ADGRB1: variants seen among roughly 807,000 people sequenced by gnomAD.
ADGRB1 encodes adhesion G protein-coupled receptor B1, also known as brain-specific angiogenesis inhibitor 1.
ADGRB1 carries 36 observed loss-of-function variants against 175.7 expected under a neutral mutation model. That is an observed-to-expected ratio of 0.20 (90% CI 0.16 to 0.27). ADGRB1 has a LOEUF of 0.27. Ranked by LOEUF, ADGRB1 falls within the 10% of genes least tolerant of loss-of-function variation. The pLI is 1.00. For missense variants in ADGRB1, 1,731 were observed against 2,255.3 expected (o/e 0.77, Z 4.71); for synonymous variants, 1,054 against 979.4 (o/e 1.08, Z -1.42).
chr8:142,469,572 CAT>C (rs987625390), intron 2 of ADGRB1, among the ~76,000 whole-genome samples: 40 of 128,430 alleles, frequency 3.1e-4, no homozygotes, highest in Non-Finnish European at 5.9e-4. Flanking sequence ...AATGTGTGTG[CAT>C]GTGTGCATGT....
intron 27 of ADGRB1, 144 bp downstream of exon 27, chr8:142,539,557 C>T: frequency 9.6e-7 from 1 of 1,036,292 alleles, no homozygotes; most frequent in Non-Finnish European, 1.4e-6. Flanking sequence ...CCGTCAGGCC[C>T]ACCTGGACCC....
rs540229961 is a variant in ADGRB1, at chr8:142,455,525, G to A, written c.-220+5421G>A. Among the ~76,000 whole-genome samples the A allele has an allele frequency of 6.6e-6, 1 of 152,164 alleles. No homozygotes were observed. Among genetic ancestry groups the A allele is most frequent in the Non-Finnish European group, 1.5e-5 (1 of 68,040 alleles). On this transcript the variant is annotated intron_variant, in intron 1 of 30. Coordinates refer to ENST00000517894, the MANE Select transcript of ADGRB1 (RefSeq NM_001702.3). The surrounding 1 kb of genome is among the most constrained non-coding windows in gnomAD (Gnocchi z 4.9). ...AGGCTGGTCCCCTGCAGCCCACCAG[G>A]CAACTGGGCTGTCCCGGCCCAGCAC... is the stretch of plus-strand genomic sequence containing the variant.
In ADGRB1 at chr8:142,459,881, G is replaced by A. The variant is rs183641983; in HGVS notation, c.-219-4099G>A. Among the ~76,000 whole-genome samples the A allele has an allele frequency of 4.6e-3, 697 of 152,230 alleles. 5 individuals are homozygous for A. Among genetic ancestry groups the A allele is most frequent in the African/African-American group, 0.016 (659 of 41,542 alleles). On this transcript the variant is annotated intron_variant, in intron 1 of 30. Transcript: ENST00000517894. ...CCTGGCCCAGACACTACACAGGCCC[G>A]CCCCTGCCCCCAGCAGGCAGAGGGA... is the stretch of plus-strand genomic sequence containing the variant.
chr8:142,469,389 G>C (rs906660472), intron 2 of ADGRB1, among the ~76,000 whole-genome samples: 6 of 150,828 alleles, frequency 4.0e-5, no homozygotes, highest in African/African-American at 9.8e-5. Flanking sequence ...GTGGGAGTGT[G>C]TATGTGCACA....
Position 142,539,379 on chromosome 8 carries a change from C to A in ADGRB1, c.3672C>A (p.Asp1224Glu), listed in dbSNP as rs751507174. The A allele has an allele frequency of 6.3e-7, 1 of 1,593,186 alleles. No individual in the cohort carries two copies. Among genetic ancestry groups the A allele is most frequent in the Admixed American group, 1.8e-5 (1 of 56,988 alleles). The change falls in exon 27 of 31, where the codon GAC (aspartate) becomes GAA (glutamate). Residue 1224 changes from aspartate (D) to glutamate (E), a missense_variant. By Grantham distance (45) the Asp-to-Glu change is conservative. Coordinates refer to ENST00000517894, the MANE Select transcript of ADGRB1 (RefSeq NM_001702.3). ...FQNGHAQLMT[D>E]FEKDVDLACR... ...CTGTTGTCTCTGTCCTACAGACCGACTTCGAGAAGGACGTGGATCTGGCCT... is the reference window on the plus strand; with the variant it reads ...CTGTTGTCTCTGTCCTACAGACCGAATTCGAGAAGGACGTGGATCTGGCCT...
rs746693275 is a variant in ADGRB1, at chr8:142,542,640, C to T, written c.4406C>T (p.Ser1469Phe). ...AATGTCGCCACCTTGTCTGTGAGCT[C>T]CCTGGAGGTGAGGGGGGCAGGGGTG... ...NENVATLSVS[S>F]LERRKSRYAE... Residue 1469 changes from serine to phenylalanine, a missense_variant, in exon 28 of 31, where the codon TCC becomes TTC. Transcript: ENST00000517894. The surrounding 1 kb of genome is among the most constrained non-coding windows in gnomAD (Gnocchi z 6.3). 6.5e-7 allele frequency: 1 copy of T among 1,548,988 alleles called. No individual in the cohort carries two copies. The highest frequency in any genetic ancestry group is 8.7e-7 in the Non-Finnish European group (1 of 1,147,540).
At chr8:142,533,592 C>A in intron 25 of ADGRB1, 126 bp downstream of exon 25, 1 of 1,129,806 alleles carries the variant, frequency 8.9e-7, no homozygotes, top group Non-Finnish European at 1.2e-6. Flanking sequence ...GACCCTGACA[C>A]ATCTGCAGGC....
In ADGRB1 at chr8:142,464,492, C is replaced by T. The variant is rs772334118; in HGVS notation, c.294C>T (p.Arg98=). 49 of 1,581,762 alleles carry T rather than the reference C, an allele frequency of 3.1e-5. 1 individual carries two copies. The highest frequency in any genetic ancestry group is 1.6e-4 in the South Asian group (14 of 86,642). ...CCGTGCCCTGCAGCGGCCCCGGCCG[C>T]GTGCGCACCTACCAGTTCGACTCCT... ...KAPVPCSGPG[R]VRTYQFDSFL... Residue 98 remains arginine, a synonymous_variant, in exon 2 of 31, where the codon CGC becomes CGT. Coordinates refer to ENST00000517894, the MANE Select transcript of ADGRB1 (RefSeq NM_001702.3).
At chr8:142,518,976 G>A (rs572543624) in intron 19 of ADGRB1, among the ~76,000 whole-genome samples, 20 of 152,130 alleles carry the variant, frequency 1.3e-4, no homozygotes, top group East Asian at 3.9e-4. Context: ...GCCCAAGGTC[G>A]GGCATCGGGA....
At chr8:142,471,582 G>C (rs1410295188) in intron 2 of ADGRB1, among the ~76,000 whole-genome samples, 1 of 152,266 alleles carries the variant, frequency 6.6e-6, no homozygotes, top group East Asian at 1.9e-4. Context: ...GAGAGTTAGA[G>C]ACGGGACAGT....
At chr8:142,518,091 G>T in intron 18 of ADGRB1, 47 bp from the exon 19 acceptor site, 1 of 1,584,250 alleles carries the variant, frequency 6.3e-7, no homozygotes, top group Non-Finnish European at 8.7e-7. Flanking sequence ...TGCCGAGTGG[G>T]CGAGTGGGGT....
intron 8 of ADGRB1, 72 bp from the exon 9 acceptor site, chr8:142,479,621 C>T (rs1012845662): frequency 4.6e-6 from 7 of 1,532,266 alleles, no homozygotes; most frequent in Middle Eastern, 1.7e-4. Context: ...CTCCAGGCGC[C>T]TTGCACCTTC....
chr8:142,498,964 T>G (rs561562250), intron 17 of ADGRB1, among the ~76,000 whole-genome samples: 2 of 151,784 alleles, frequency 1.3e-5, no homozygotes, highest in East Asian at 3.9e-4. Flanking sequence ...TCTCTCTCCC[T>G]CTCTTGGGAG....
intron 1 of ADGRB1, among the ~76,000 whole-genome samples, 192 bp downstream of exon 1, chr8:142,450,296 T>C (rs1247777869): frequency 4.5e-4 from 64 of 143,580 alleles, no homozygotes; most frequent in African/African-American, 1.6e-3. Flanking sequence ...CCCTGCCTTC[T>C]CCAGCGGTGG....
intron 16 of ADGRB1, among the ~76,000 whole-genome samples, chr8:142,489,859 C>T (rs933110703): frequency 3.9e-5 from 6 of 152,308 alleles, no homozygotes; most frequent in Middle Eastern, 3.4e-3. Context: ...CCTGGGATTT[C>T]AGCACGGGAG....
At chr8:142,488,092 C>T (rs531086702) in intron 13 of ADGRB1, among the ~76,000 whole-genome samples, 1 of 152,264 alleles carries the variant, frequency 6.6e-6, no homozygotes, top group South Asian at 2.1e-4. Flanking sequence ...GGGGCAGGCT[C>T]CCTGCCCCTC....
chr8:142,489,212 G>C, intron 15 of ADGRB1, 102 bp downstream of exon 15: 2 of 1,546,846 alleles, frequency 1.3e-6, no homozygotes, highest in Non-Finnish European at 1.8e-6. Context: ...GCCTGGAGGA[G>C]TGTGGATGAT....
chr8:142,468,256 G>C (rs1840395902), intron 2 of ADGRB1, among the ~76,000 whole-genome samples: 1 of 152,192 alleles, frequency 6.6e-6, no homozygotes, highest in Admixed American at 6.5e-5. Flanking sequence ...ATGTGCGTGT[G>C]TGTGTGACAT....
chr8:142,533,766 C>A (rs570288191), intron 25 of ADGRB1, among the ~76,000 whole-genome samples: 2 of 152,282 alleles, frequency 1.3e-5, no homozygotes, highest in South Asian at 4.1e-4. Context: ...AAGGGGCCTA[C>A]AGGAGTGAGG....
Sources: gnomAD v4.1 joint callset for allele counts (sites outside exome capture counted in the v4.1 genomes callset) on GRCh38, gnomAD v4.1.1 for gene constraint, Gnocchi (gnomAD v3.1) non-coding constraint, MANE v1.5 for transcripts, NCBI Gene and HGNC (gene_info 2026-07-23, HGNC 2026-07-21) for gene names.